The following SGCZ variants were observed in gnomAD, a reference collection of about 807,000 sequenced individuals.
The protein encoded by SGCZ is zeta-sarcoglycan.
SGCZ carries 40 observed loss-of-function variants against 41.3 expected under a neutral mutation model. The ratio of observed to expected loss-of-function variants is 0.97; its 90% CI spans 0.75 to 1.26. The LOEUF (loss-of-function observed/expected upper bound fraction) is 1.26, where lower values mean the gene tolerates loss of function less well. Ranked by LOEUF, SGCZ falls within the 50% of genes most tolerant of loss-of-function variation. The probability of loss-of-function intolerance (pLI) is 0.00; values close to 1 mark genes in which losing one functional copy is unlikely to be tolerated. For synonymous variants in SGCZ, 206 were observed against 137.5 expected, an observed-to-expected ratio of 1.50 and a Z score of -3.49; for missense variants, 552 against 369.8, an observed-to-expected ratio of 1.49 and a Z score of -4.04.
intron 1 of SGCZ, among the ~76,000 whole-genome samples, chr8:15,036,294 A>T (rs1410662456): frequency 2.6e-5 from 4 of 152,108 alleles, no homozygotes; most frequent in Non-Finnish European, 5.9e-5. Flanking sequence ...TTTAAAAATT[A>T]AAAATCTGAA....
chr8:14,733,069 G>A (rs184159810), intron 1 of SGCZ, among the ~76,000 whole-genome samples: 2 of 152,052 alleles, frequency 1.3e-5, no homozygotes, highest in Non-Finnish European at 2.9e-5. Context: ...GACAGTAAAC[G>A]ACTCACCTGT....
chr8:14,770,620 G>C (rs1004721432), intron 1 of SGCZ, among the ~76,000 whole-genome samples: 2 of 152,030 alleles, frequency 1.3e-5, no homozygotes, highest in Non-Finnish European at 2.9e-5. Flanking sequence ...GGTAAGCACA[G>C]ATTTCACTTG....
chr8:14,342,106 TG>T (rs1802732365), intron 2 of SGCZ, among the ~76,000 whole-genome samples: 1 of 152,162 alleles, frequency 6.6e-6, no homozygotes, highest in Non-Finnish European at 1.5e-5. Flanking sequence ...ACTTGTTGAA[TG>T]GCTTTGCCCA....
At chr8:14,374,579 G>T (rs1020045549) in intron 2 of SGCZ, among the ~76,000 whole-genome samples, 1 of 118,392 alleles carries the variant, frequency 8.4e-6, no homozygotes, top group Non-Finnish European at 1.7e-5. Context: ...TGGTTGAGAA[G>T]AATGTATTAC....
chr8:14,359,307 A>G (rs1803417846), intron 2 of SGCZ, among the ~76,000 whole-genome samples: 1 of 152,184 alleles, frequency 6.6e-6, no homozygotes, highest in African/African-American at 2.4e-5. Context: ...CTGTGTTCAC[A>G]TTGAGTACAC....
chr8:14,608,057 G>T (rs1805809576), intron 1 of SGCZ, among the ~76,000 whole-genome samples: 1 of 152,102 alleles, frequency 6.6e-6, no homozygotes, highest in Non-Finnish European at 1.5e-5. Context: ...CTGTCAGCAG[G>T]AAAAGCATAT....
intron 2 of SGCZ, among the ~76,000 whole-genome samples, chr8:14,394,721 A>C (rs904212125): frequency 5.9e-5 from 9 of 152,188 alleles, no homozygotes; most frequent in African/African-American, 2.2e-4. Context: ...ATTGGAAATA[A>C]AGAAAGAATC....
intron 1 of SGCZ, among the ~76,000 whole-genome samples, chr8:14,749,497 GA>G: frequency 6.6e-6 from 1 of 152,250 alleles, no homozygotes; most frequent in Admixed American, 6.5e-5. Flanking sequence ...CCTGTTAGCA[GA>G]GAACTATCAG....
chr8:14,213,288 C>G (rs1003196226), intron 4 of SGCZ, among the ~76,000 whole-genome samples: 2 of 151,922 alleles, frequency 1.3e-5, no homozygotes. Context: ...CACAAAAATT[C>G]CTGAAAGCAA....
chr8:14,655,741 CAT>C (rs1446774095), intron 1 of SGCZ, among the ~76,000 whole-genome samples: 4 of 152,192 alleles, frequency 2.6e-5, no homozygotes, highest in African/African-American at 9.6e-5. Flanking sequence ...AAGAATCTCT[CAT>C]GTTACCCTTT....
At chr8:14,418,282 C>T (rs1799550296) in intron 2 of SGCZ, among the ~76,000 whole-genome samples, 1 of 151,752 alleles carries the variant, frequency 6.6e-6, no homozygotes, top group Admixed American at 6.6e-5. Flanking sequence ...AGAACTGAGG[C>T]CTAATGTTTA....
chr8:14,253,013 C>G (rs998478101), intron 3 of SGCZ, among the ~76,000 whole-genome samples: 8 of 152,000 alleles, frequency 5.3e-5, no homozygotes, highest in African/African-American at 1.5e-4. Flanking sequence ...CTGGATGCGA[C>G]GTCCTCATTA....
chr8:14,614,664 G>A (rs546091267), intron 1 of SGCZ, among the ~76,000 whole-genome samples: 8 of 152,188 alleles, frequency 5.3e-5, no homozygotes, highest in African/African-American at 4.8e-5. Flanking sequence ...CATAGTTGGA[G>A]TTAGAAAATT....
chr8:14,949,113 C>T (rs1800547274), intron 1 of SGCZ, among the ~76,000 whole-genome samples: 1 of 152,028 alleles, frequency 6.6e-6, no homozygotes, highest in South Asian at 2.1e-4. Flanking sequence ...AATTTCTCAA[C>T]CAGAAAATCA....
chr8:15,052,773 A>G (rs1377413097), intron 1 of SGCZ, among the ~76,000 whole-genome samples: 1 of 152,174 alleles, frequency 6.6e-6, no homozygotes, highest in Non-Finnish European at 1.5e-5. Context: ...GTTAAAAAGC[A>G]TATCCAATTT....
intron 1 of SGCZ, among the ~76,000 whole-genome samples, chr8:14,987,181 C>T (rs546732797): frequency 2.1e-3 from 314 of 151,778 alleles, no homozygotes; most frequent in African/African-American, 7.2e-3. Context: ...TATCTTTTTG[C>T]ATATTTAAGT....
intron 7 of SGCZ, among the ~76,000 whole-genome samples, chr8:14,098,346 A>G (rs1801907966): frequency 1.3e-5 from 2 of 152,184 alleles, no homozygotes; most frequent in South Asian, 4.1e-4. Flanking sequence ...AGTGCACAAA[A>G]CTAAGCAAAC....
At chr8:14,617,138 C>T (rs1806131583) in intron 1 of SGCZ, among the ~76,000 whole-genome samples, 2 of 152,126 alleles carry the variant, frequency 1.3e-5, no homozygotes, top group Non-Finnish European at 2.9e-5. Flanking sequence ...TCAGTTTAAG[C>T]TTCCCTTGAT....
intron 1 of SGCZ, among the ~76,000 whole-genome samples, chr8:14,779,661 G>A (rs937630343): frequency 1.3e-5 from 2 of 152,078 alleles, no homozygotes; most frequent in East Asian, 1.9e-4. Flanking sequence ...ATTCTTTAAC[G>A]TGCATAGGTA....
Sources: gnomAD v4.1 joint callset for allele counts (sites outside exome capture counted in the v4.1 genomes callset) on GRCh38, gnomAD v4.1.1 for gene constraint, MANE v1.5 for transcripts, NCBI Gene and HGNC (gene_info 2026-07-23, HGNC 2026-07-21) for gene names.